The following RBFOX3 variants were observed in gnomAD, a reference collection of about 807,000 sequenced individuals.
RBFOX3 encodes RNA binding fox-1 homolog 3.
A neutral mutation model predicts 48.7 loss-of-function variants in RBFOX3; 17 were observed. The ratio of observed to expected loss-of-function variants is 0.35; its 90% confidence interval spans 0.24 to 0.52. The LOEUF (loss-of-function observed/expected upper bound fraction) is 0.52. Ranked by LOEUF, RBFOX3 falls within the 20% of genes least tolerant of loss-of-function variation. The pLI is 0.94. For synonymous variants in RBFOX3, 212 were observed against 209.5 expected (o/e 1.01, Z -0.10); for missense variants, 382 against 497.5 (o/e 0.77, Z 2.21).
intron 3 of RBFOX3, among the ~76,000 whole-genome samples, chr17:79,288,113 T>C (rs1166252153): frequency 6.6e-6 from 1 of 152,114 alleles, no homozygotes; most frequent in African/African-American, 2.4e-5. Context: ...ACCTTCTCAG[T>C]GAAGCCTCTG....
At chr17:79,273,178 A>G (rs1489616006) in intron 3 of RBFOX3, among the ~76,000 whole-genome samples, 1 of 152,138 alleles carries the variant, frequency 6.6e-6, no homozygotes, top group African/African-American at 2.4e-5. Flanking sequence ...CAGCAGATCC[A>G]GGGTGTTCTC....
intron 1 of RBFOX3, among the ~76,000 whole-genome samples, chr17:79,525,322 T>C (rs1599041647): frequency 1.3e-5 from 2 of 152,116 alleles, no homozygotes; most frequent in Non-Finnish European, 2.9e-5. Flanking sequence ...AACCCTGCCA[T>C]AAACTAAAGC....
At chr17:79,382,334 G>T (rs1026666529) in intron 2 of RBFOX3, among the ~76,000 whole-genome samples, 1 of 152,228 alleles carries the variant, frequency 6.6e-6, no homozygotes, top group Non-Finnish European at 1.5e-5. Flanking sequence ...GGGGGCTCTA[G>T]ACCACTCCAG....
In RBFOX3 at chr17:79,328,139, G is replaced by A. The variant is rs369011047; in HGVS notation, c.-174-20315C>T. Among the ~76,000 whole-genome samples the A allele has an allele frequency of 4.6e-5, 7 of 152,236 alleles. No individual in the cohort carries two copies. The East Asian group carries it at 9.6e-4, about 21-fold the overall frequency. ...GAAGGAGAGTGGGAGGGCAGAGCCC[G>A]TGGGTGCAAACACGGGCAGGACTCA... On this transcript the variant is annotated intron_variant, in intron 2 of 14. Transcript: ENST00000693108.
At chr17:79,436,497 A>T (rs2069483175) in intron 2 of RBFOX3, among the ~76,000 whole-genome samples, 1 of 152,160 alleles carries the variant, frequency 6.6e-6, no homozygotes, top group Admixed American at 6.5e-5. Flanking sequence ...GCAGCTGGAG[A>T]GCTGGCAGAG....
At chr17:79,453,152 T>C (rs1488131622) in intron 2 of RBFOX3, among the ~76,000 whole-genome samples, 1 of 152,212 alleles carries the variant, frequency 6.6e-6, no homozygotes, top group Non-Finnish European at 1.5e-5. Flanking sequence ...CGGGATGAAA[T>C]GCTAATAGCC....
intron 1 of RBFOX3, among the ~76,000 whole-genome samples, chr17:79,512,145 C>T (rs2084387639): frequency 7.2e-6 from 1 of 138,268 alleles, no homozygotes; most frequent in African/African-American, 2.7e-5. Context: ...CCATTGGGTA[C>T]AGCCCCATGG....
chr17:79,329,754 C>T (rs1296657572), intron 2 of RBFOX3, among the ~76,000 whole-genome samples: 3 of 152,272 alleles, frequency 2.0e-5, no homozygotes, highest in East Asian at 1.9e-4. Context: ...GGATTCACCC[C>T]TCGCTCTCCC....
chr17:79,212,577 A>C lies in RBFOX3; in HGVS notation c.-34+23189T>G, dbSNP rs144351245. 4.8e-4 allele frequency among the ~76,000 whole-genome samples: 73 copies of C among 152,260 alleles called. No homozygotes were observed. Among genetic ancestry groups the C allele is most frequent in the Non-Finnish European group, 8.2e-4 (56 of 68,018 alleles). On this transcript the variant is annotated intron_variant, in intron 4 of 14. Coordinates refer to ENST00000693108, the MANE Select transcript of RBFOX3 (RefSeq NM_001350451.2). The surrounding 1 kb of genome is among the most constrained non-coding windows in gnomAD (Gnocchi z 4.7). Reference sequence around the variant, plus strand: ...TAAAGAGTAGATTTCAGAGCAACTTAACTTCTTTCACAAGCAAATTCCCAG... The same window carrying C: ...TAAAGAGTAGATTTCAGAGCAACTTCACTTCTTTCACAAGCAAATTCCCAG...
At chr17:79,118,975 CAA>C (rs767042086) in intron 4 of RBFOX3, among the ~76,000 whole-genome samples, 107 of 75,718 alleles carry the variant, frequency 1.4e-3, no homozygotes, top group Middle Eastern at 0.013. Flanking sequence ...ACCCCTGTCT[CAA>C]AAAAAAAAAA....
At position 79,299,282 on chromosome 17, in the gene RBFOX3, T is replaced by C. The variant is rs2074933446; in HGVS notation, c.-74+8442A>G. Among the ~76,000 whole-genome samples, 2 of 151,992 alleles carry C rather than the reference T, an allele frequency of 1.3e-5. No homozygotes were observed. Among genetic ancestry groups the C allele is most frequent in the Admixed American group, 1.3e-4 (2 of 15,256 alleles). The stretch of plus-strand genomic sequence containing the variant: ...ATCAGGCTCGGTTAGGGGCTGAGTT[T>C]TGTCCCCTCAAAATTCCTGTGTTGA... On this transcript the variant is annotated intron_variant, in intron 3 of 14. Coordinates refer to ENST00000693108, the MANE Select transcript of RBFOX3 (RefSeq NM_001350451.2). This position sits in a 1 kb window ranked among gnomAD's most constrained non-coding sequence, Gnocchi z 4.5.
In RBFOX3 at chr17:79,299,091, A is replaced by C. The variant is rs1452791880; in HGVS notation, c.-74+8633T>G. Reference sequence around the variant, plus strand: ...GCAGCAGATGCGGCTGGCCTCGGAAATACGGGAGGGACATGGGAAATGAAC... The same window carrying C: ...GCAGCAGATGCGGCTGGCCTCGGAACTACGGGAGGGACATGGGAAATGAAC... On this transcript the variant is annotated intron_variant, in intron 3 of 14. Coordinates refer to ENST00000693108, the MANE Select transcript of RBFOX3 (RefSeq NM_001350451.2). The surrounding 1 kb of genome is among the most constrained non-coding windows in gnomAD (Gnocchi z 4.5). Among the ~76,000 whole-genome samples, 5 of 152,038 alleles carry C rather than the reference A, an allele frequency of 3.3e-5. No individual in the cohort carries two copies. In the East Asian group the frequency reaches 9.7e-4, roughly 30 times the overall value.
chr17:79,582,595 G>A (rs887206212), intron 1 of RBFOX3, among the ~76,000 whole-genome samples: 25 of 152,042 alleles, frequency 1.6e-4, no homozygotes, highest in Non-Finnish European at 2.5e-4. Context: ...TTGAGCCTAC[G>A]CATTTGAGAC....
In RBFOX3 at chr17:79,585,888, G is replaced by A. The variant is rs973946431; in HGVS notation, c.-320+24938C>T. On this transcript the variant is annotated intron_variant, in intron 1 of 14. Coordinates refer to ENST00000693108, the MANE Select transcript of RBFOX3 (RefSeq NM_001350451.2). Reference sequence around the variant, plus strand: ...CTGAGACTGGACAGGAGAGGAGCTGGACACAGGCCTTCTTTGACCAAGTCT... The same window carrying A: ...CTGAGACTGGACAGGAGAGGAGCTGAACACAGGCCTTCTTTGACCAAGTCT... Among the ~76,000 whole-genome samples, 5 of 152,310 alleles carry A rather than the reference G, an allele frequency of 3.3e-5. No individual in the cohort carries two copies. The South Asian group carries it at 8.3e-4, about 25-fold the overall frequency.
At chr17:79,459,170 T>C (rs11655233) in intron 2 of RBFOX3, among the ~76,000 whole-genome samples, 21,124 of 152,106 alleles carry the variant, frequency 0.14, 1,776 homozygotes, top group Middle Eastern at 0.21. Flanking sequence ...CTGGCATGAC[T>C]CACAGGCCCA....
chr17:79,428,121 C>T (rs1277945206), intron 2 of RBFOX3, among the ~76,000 whole-genome samples: 2 of 152,278 alleles, frequency 1.3e-5, no homozygotes, highest in Non-Finnish European at 2.9e-5. Context: ...ACTCCGCCTG[C>T]AGCAATATCC....
intron 2 of RBFOX3, among the ~76,000 whole-genome samples, chr17:79,330,516 G>A (rs1396704837): frequency 1.3e-5 from 2 of 152,052 alleles, no homozygotes; most frequent in Non-Finnish European, 2.9e-5. Context: ...TGAAATAGAC[G>A]AGGGGATATT....
intron 3 of RBFOX3, among the ~76,000 whole-genome samples, chr17:79,295,597 A>C (rs956303956): frequency 1.2e-4 from 18 of 152,218 alleles, no homozygotes; most frequent in Non-Finnish European, 1.9e-4. Context: ...TGGAAAGATC[A>C]GAAGTTGTTG....
chr17:79,512,209 G>A (rs2084403714), intron 1 of RBFOX3, among the ~76,000 whole-genome samples: 1 of 144,490 alleles, frequency 6.9e-6, no homozygotes. Flanking sequence ...CCCATGGCCA[G>A]GGGACGCACA....
Sources: allele counts gnomAD v4.1 joint callset (sites outside exome capture counted in the v4.1 genomes callset), GRCh38; gene constraint gnomAD v4.1.1; non-coding constraint Gnocchi (gnomAD v3.1); transcripts MANE v1.5; gene names NCBI Gene and HGNC (gene_info 2026-07-23, HGNC 2026-07-21).